Variants in FSTL5 observed in about 807,000 individuals in gnomAD.
FSTL5 encodes the protein follistatin-related protein 5.
Under a neutral mutation model 89.1 loss-of-function variants are expected in FSTL5, and 62 were observed. That is an observed-to-expected ratio of 0.70 (90% CI 0.57 to 0.86). The LOEUF is 0.86. Among genes scored for constraint, FSTL5 ranks in the 40% least tolerant of loss-of-function variants. The pLI, the probability that FSTL5 is intolerant of heterozygous loss-of-function variation, is 0.00. For synonymous variants in FSTL5, 383 were observed against 346.2 expected (o/e 1.11, Z -1.18); for missense variants, 1,057 against 1,001.6 (o/e 1.06, Z -0.75).
chr4:161,426,829 C>T (rs141004688), intron 15 of FSTL5, among the ~76,000 whole-genome samples: 2,309 of 152,292 alleles, frequency 0.015, 64 homozygotes, highest in African/African-American at 0.052. Context: ...TCTCTAGCCA[C>T]ACTTAAAACG....
rs148568777 is a variant in FSTL5 at position 161,654,723 on chromosome 4, T to A, written c.894+1605A>T. On this transcript the variant is annotated intron_variant, in intron 7 of 15. Coordinates refer to ENST00000306100, the MANE Select transcript of FSTL5 (RefSeq NM_020116.5). ...GGGGTTCTGTATGAAGCAGCCAAGA[T>A]TAAGAGGAAAGGTGATGGCTTTCTT... is the stretch of plus-strand genomic sequence containing the variant. 6.0e-3 allele frequency among the ~76,000 whole-genome samples: 915 copies of A among 152,158 alleles called. 9 individuals are homozygous for A. The highest frequency in any genetic ancestry group is 0.046 in the South Asian group (220 of 4,826).
rs147732210 is a variant in FSTL5 at position 161,738,088 on chromosome 4, A to G, written c.727+21323T>C. 3.9e-3 allele frequency among the ~76,000 whole-genome samples: 600 copies of G among 152,136 alleles called. 5 individuals carry two copies. Among genetic ancestry groups the G allele is most frequent in the African/African-American group, 0.014 (572 of 41,556 alleles). ...ATACAATATCTTAAAGAGGATGACTATTGTCTAATAGTAATTATGTTACAC... is the reference window on the plus strand; with the variant it reads ...ATACAATATCTTAAAGAGGATGACTGTTGTCTAATAGTAATTATGTTACAC... On this transcript the variant is annotated intron_variant, in intron 6 of 15. Coordinates refer to ENST00000306100, the MANE Select transcript of FSTL5 (RefSeq NM_020116.5).
intron 6 of FSTL5, among the ~76,000 whole-genome samples, chr4:161,702,719 T>C (rs1738438237): frequency 6.6e-6 from 1 of 152,130 alleles, no homozygotes; most frequent in Non-Finnish European, 1.5e-5. Flanking sequence ...CACTTTAGTG[T>C]TCTGGTTTTC....
chr4:161,911,030 C>G (rs1240495572), intron 4 of FSTL5, among the ~76,000 whole-genome samples: 1 of 152,004 alleles, frequency 6.6e-6, no homozygotes, highest in Non-Finnish European at 1.5e-5. Context: ...TGCCTGTGAA[C>G]TTCAAATCAC....
At chr4:161,818,993 TA>T in intron 4 of FSTL5, among the ~76,000 whole-genome samples, 1 of 152,140 alleles carries the variant, frequency 6.6e-6, no homozygotes. Flanking sequence ...AATAAATGCT[TA>T]ATTTCTGATA....
chr4:161,586,769 C>T lies in FSTL5; in HGVS notation c.1015+686G>A, dbSNP rs543575971. On this transcript the variant is annotated intron_variant, in intron 8 of 15. Coordinates refer to ENST00000306100, the MANE Select transcript of FSTL5 (RefSeq NM_020116.5). ...GCTACCTCTGCAAGCTCATTATCTG[C>T]CACTCTCCTCTAAATTCATGCCCAT... Among the ~76,000 whole-genome samples, 7 of 152,276 alleles carry T rather than the reference C, an allele frequency of 4.6e-5. No homozygotes were observed. The South Asian group carries it at 1.4e-3, about 32-fold the overall frequency.
intron 7 of FSTL5, among the ~76,000 whole-genome samples, chr4:161,596,145 T>C (rs1185708006): frequency 6.6e-6 from 1 of 151,978 alleles, no homozygotes; most frequent in African/African-American, 2.4e-5. Flanking sequence ...GACAAGATTT[T>C]CTAGAAACTA....
intron 3 of FSTL5, among the ~76,000 whole-genome samples, chr4:161,976,138 A>G (rs77902680): frequency 6.6e-6 from 1 of 151,202 alleles, no homozygotes; most frequent in Non-Finnish European, 1.5e-5. Flanking sequence ...AAAAAAAAAA[A>G]AGATTACCTC....
chr4:161,889,890 T>C (rs1270083233), intron 4 of FSTL5, among the ~76,000 whole-genome samples: 2 of 152,208 alleles, frequency 1.3e-5, no homozygotes, highest in African/African-American at 4.8e-5. Flanking sequence ...TAAAACCGTA[T>C]GGTTTATTTA....
chr4:161,401,586 G>A (rs1409864199), intron 15 of FSTL5, among the ~76,000 whole-genome samples: 2 of 152,068 alleles, frequency 1.3e-5, no homozygotes, highest in African/African-American at 2.4e-5. Context: ...GTGCAGTGGC[G>A]CGATCTCAGC....
chr4:161,833,608 T>A (rs1730924029), intron 4 of FSTL5, among the ~76,000 whole-genome samples: 1 of 151,988 alleles, frequency 6.6e-6, no homozygotes, highest in South Asian at 2.1e-4. Context: ...GCTCTTCTTG[T>A]TGAATTAATC....
intron 10 of FSTL5, among the ~76,000 whole-genome samples, chr4:161,526,388 C>T (rs1731220253): frequency 6.6e-6 from 1 of 151,900 alleles, no homozygotes; most frequent in South Asian, 2.1e-4. Flanking sequence ...TTCTTTACAC[C>T]AGAGTTGAGT....
intron 15 of FSTL5, among the ~76,000 whole-genome samples, chr4:161,447,991 GTGTT>G (rs149864933): frequency 3.3e-5 from 5 of 152,232 alleles, no homozygotes; most frequent in African/African-American, 1.2e-4. Context: ...TACAGAGTTT[GTGTT>G]TGTTTGGAGT....
intron 3 of FSTL5, among the ~76,000 whole-genome samples, chr4:161,987,397 G>GA (rs1560954353): frequency 6.7e-6 from 1 of 149,874 alleles, no homozygotes; most frequent in Non-Finnish European, 1.5e-5. Context: ...CGGGGAAGGA[G>GA]AAAAAACTCT....
Position 162,068,338 on chromosome 4 carries a change from G to T in FSTL5, c.127-34680C>A, listed in dbSNP as rs575189145. Among the ~76,000 whole-genome samples the T allele has an allele frequency of 3.3e-5, 5 of 152,076 alleles. No individual in the cohort carries two copies. In the South Asian group the frequency reaches 6.2e-4, roughly 19 times the overall value. ...ACAGTAACCAAAACAGCATGGTACT[G>T]GTACAAAAACAGACACATAGACCAA... On this transcript the variant is annotated intron_variant, in intron 2 of 15. Coordinates refer to ENST00000306100, the MANE Select transcript of FSTL5 (RefSeq NM_020116.5).
chr4:161,922,088 A>G (rs552799194), intron 3 of FSTL5, among the ~76,000 whole-genome samples: 1 of 152,190 alleles, frequency 6.6e-6, no homozygotes, highest in Non-Finnish European at 1.5e-5. Flanking sequence ...AAAAAGATCA[A>G]CAGTACCAAT....
intron 1 of FSTL5, among the ~76,000 whole-genome samples, chr4:162,123,307 A>C (rs773613892): frequency 1.3e-5 from 2 of 152,196 alleles, no homozygotes; most frequent in African/African-American, 2.4e-5. Context: ...GCTAAGTTTC[A>C]GAGGAATTCT....
chr4:162,024,036 A>T (rs1352612682), intron 3 of FSTL5, among the ~76,000 whole-genome samples: 2 of 152,148 alleles, frequency 1.3e-5, no homozygotes. Context: ...TTAATTTACT[A>T]GGCCCTGTAA....
intron 6 of FSTL5, among the ~76,000 whole-genome samples, chr4:161,665,323 G>A (rs1158938334): frequency 6.6e-6 from 1 of 152,016 alleles, no homozygotes; most frequent in Admixed American, 6.6e-5. Context: ...CTCACTGCAA[G>A]CTCCGCCTCC....
Sources: allele counts gnomAD v4.1 joint callset (sites outside exome capture counted in the v4.1 genomes callset), GRCh38; gene constraint gnomAD v4.1.1; transcripts MANE v1.5; gene names NCBI Gene and HGNC (gene_info 2026-07-23, HGNC 2026-07-21).